Variants in NEBL observed in about 807,000 individuals in gnomAD.
NEBL encodes the protein LIM and SH3 protein 2.
NEBL carries 122 observed loss-of-function variants against 140.2 expected under a neutral mutation model. The ratio of observed to expected loss-of-function variants is 0.87; its 90% confidence interval spans 0.75 to 1.01. The LOEUF (loss-of-function observed/expected upper bound fraction) is 1.01, where lower values mean the gene tolerates loss of function less well. Ranked by LOEUF, NEBL falls within the 50% of genes least tolerant of loss-of-function variation. The pLI is 0.00. For synonymous variants in NEBL, 436 were observed against 398.9 expected (o/e 1.09, Z -1.11); for missense variants, 1,365 against 1,231.3 (o/e 1.11, Z -1.62).
chr10:21,274,590 T>C (rs1234931959), intron 1 of NEBL, among the ~76,000 whole-genome samples: 2 of 152,082 alleles, frequency 1.3e-5, no homozygotes, highest in African/African-American at 2.4e-5. Context: ...CACTCCTGGC[T>C]AATTTTTGCA....
chr10:20,823,417 T>C (rs1839542340), intron 18 of NEBL, 117 bp from the exon 19 acceptor site: 1 of 718,928 alleles, frequency 1.4e-6, no homozygotes, highest in South Asian at 1.9e-5. Flanking sequence ...AACATTACTT[T>C]TCCTTCACTG....
chr10:21,079,740 G>A (rs779594269), intron 2 of NEBL, among the ~76,000 whole-genome samples: 1 of 152,120 alleles, frequency 6.6e-6, no homozygotes, highest in Non-Finnish European at 1.5e-5. Context: ...CTTTGAGATG[G>A]CCAAGGCTGT....
chr10:20,849,341 T>C (rs1366014083), intron 11 of NEBL, among the ~76,000 whole-genome samples: 1 of 152,192 alleles, frequency 6.6e-6, no homozygotes, highest in Admixed American at 6.6e-5. Flanking sequence ...CTCTTAATTG[T>C]TTATTGAAAA....
At chr10:20,985,946 A>G (rs1314307698) in intron 3 of NEBL, among the ~76,000 whole-genome samples, 2 of 152,204 alleles carry the variant, frequency 1.3e-5, no homozygotes, top group African/African-American at 4.8e-5. Flanking sequence ...TTGTGCAAGA[A>G]TTAAAAAGTT....
chr10:21,008,463 T>C (rs1838217443), intron 3 of NEBL, among the ~76,000 whole-genome samples: 2 of 152,104 alleles, frequency 1.3e-5, no homozygotes, highest in African/African-American at 4.8e-5. Flanking sequence ...CAGATGGTAT[T>C]TGGTTACATC....
intron 19 of NEBL, among the ~76,000 whole-genome samples, chr10:20,822,787 C>T (rs1288093543): frequency 6.6e-6 from 1 of 151,964 alleles, no homozygotes; most frequent in Non-Finnish European, 1.5e-5. Flanking sequence ...AGGTTTCATT[C>T]CTTTTTAATT....
chr10:20,887,918 G>C (rs1169103709), intron 4 of NEBL, among the ~76,000 whole-genome samples, 179 bp downstream of exon 4: 1 of 152,144 alleles, frequency 6.6e-6, no homozygotes. Flanking sequence ...AAACCTGCGT[G>C]TCCTTTTCAT....
chr10:20,865,864 G>A (rs1844227204), intron 7 of NEBL, among the ~76,000 whole-genome samples: 1 of 152,086 alleles, frequency 6.6e-6, no homozygotes, highest in East Asian at 1.9e-4. Flanking sequence ...GAGCAGTTGT[G>A]TCCACTTCAT....
At chr10:20,972,820 TGACA>T (rs1836639798) in intron 3 of NEBL, among the ~76,000 whole-genome samples, 1 of 152,160 alleles carries the variant, frequency 6.6e-6, no homozygotes, top group African/African-American at 2.4e-5. Context: ...CACAAAGGGA[TGACA>T]GACAGCATGG....
At chr10:20,940,284 A>C (rs11492535) in intron 4 of NEBL, among the ~76,000 whole-genome samples, 17,842 of 148,414 alleles carry the variant, frequency 0.12, 1,285 homozygotes, top group African/African-American at 0.21. Flanking sequence ...AAGAAACTCA[A>C]TCAAAACCGC....
In NEBL at chr10:21,110,681, C is replaced by T. The variant is rs553743628; in HGVS notation, c.164+61702G>A. On this transcript the variant is annotated intron_variant, in intron 2 of 6. Coordinates refer to the NEBL transcript ENST00000417816. ...CCTACCTAAGCATATGCCACCACCC[C>T]ATGGAAGGCTCAGTGGACATGGACA... 67 of 470,206 alleles carry T rather than the reference C, an allele frequency of 1.4e-4. 1 individual carries two copies. Among genetic ancestry groups the T allele is most frequent in the South Asian group, 9.1e-4 (57 of 62,558 alleles). The allele number at this position is 470,206 out of a possible 1,614,324, so 29.1% of individuals were successfully genotyped here. A position where few individuals can be genotyped will look rare whatever the true frequency, so the allele number is the denominator to read the frequency against.
rs141986063 is a variant in NEBL, at chr10:21,086,290, A to C, written c.165-66089T>G. 2.2e-3 allele frequency among the ~76,000 whole-genome samples: 339 copies of C among 152,344 alleles called. 2 individuals are homozygous for C. The highest frequency in any genetic ancestry group is 7.6e-3 in the African/African-American group (317 of 41,584). ...AAAACTGCACGATTTGTGTAAGGAGAAATCAATGACATAACAGATTTCTCA... is the reference window on the plus strand; with the variant it reads ...AAAACTGCACGATTTGTGTAAGGAGCAATCAATGACATAACAGATTTCTCA... On this transcript the variant is annotated intron_variant, in intron 2 of 6. Transcript: ENST00000417816.
chr10:21,011,457 C>T (rs974749354), intron 3 of NEBL, among the ~76,000 whole-genome samples: 1 of 152,228 alleles, frequency 6.6e-6, no homozygotes, highest in African/African-American at 2.4e-5. Context: ...AAACAGTCAG[C>T]TTAGGTCAAT....
At chr10:20,877,254 G>A (rs910682146) in intron 5 of NEBL, among the ~76,000 whole-genome samples, 10 of 152,096 alleles carry the variant, frequency 6.6e-5, no homozygotes, top group African/African-American at 1.9e-4. Flanking sequence ...GGTAGATATC[G>A]TTGTCCCCAT....
At chr10:20,898,270 G>A (rs968521823), upstream of NEBL, among the ~76,000 whole-genome samples, 12 of 151,986 alleles carry the variant, frequency 7.9e-5, no homozygotes, top group African/African-American at 2.7e-4. Context: ...GTAAATCCTA[G>A]GGTAAATTAA....
At chr10:21,210,682 C>G (rs1432255461) in intron 3 of NEBL, among the ~76,000 whole-genome samples, 1 of 152,148 alleles carries the variant, frequency 6.6e-6, no homozygotes, top group Non-Finnish European at 1.5e-5. Flanking sequence ...TTTGTTGTTA[C>G]TTATTCCCAC....
At position 20,987,563 on chromosome 10, in the gene NEBL, C is replaced by T. The variant is rs998345594; in HGVS notation, c.250-25784G>A. ...ATATCCTCCACTCAGCTCTGCCTCCCACCACCAGAGCCACAGACTGGAGCA... is the reference window on the plus strand; with the variant it reads ...ATATCCTCCACTCAGCTCTGCCTCCTACCACCAGAGCCACAGACTGGAGCA... On this transcript the variant is annotated intron_variant, in intron 3 of 6. Transcript: ENST00000417816. Among the ~76,000 whole-genome samples the T allele has an allele frequency of 2.6e-5, 4 of 152,170 alleles. No homozygotes were observed. The South Asian group carries it at 6.2e-4, about 24-fold the overall frequency.
chr10:21,021,991 C>G (rs1051484328), intron 2 of NEBL, among the ~76,000 whole-genome samples: 1 of 152,196 alleles, frequency 6.6e-6, no homozygotes, highest in Non-Finnish European at 1.5e-5. Flanking sequence ...TTTGTGCAAA[C>G]ATTCAGCGGC....
intron 3 of NEBL, among the ~76,000 whole-genome samples, chr10:21,237,074 C>T (rs1007480244): frequency 2.6e-5 from 4 of 152,168 alleles, no homozygotes; most frequent in African/African-American, 7.2e-5. Context: ...CTTGAACTTT[C>T]GTGTTTTGTA....
Sources: allele counts gnomAD v4.1 joint callset (sites outside exome capture counted in the v4.1 genomes callset), GRCh38; gene constraint gnomAD v4.1.1; transcripts MANE v1.5; gene names NCBI Gene and HGNC (gene_info 2026-07-23, HGNC 2026-07-21).